XKR9: variants seen among roughly 807,000 people sequenced by gnomAD.
The protein encoded by XKR9 is XK-related protein 9.
XKR9 carries 32 observed loss-of-function variants against 32.0 expected under a neutral mutation model. The ratio of observed to expected loss-of-function variants is 1.00; its 90% confidence interval spans 0.76 to 1.34. The LOEUF (loss-of-function observed/expected upper bound fraction) is 1.34. Among genes scored for constraint, XKR9 ranks in the 40% most tolerant of loss-of-function variants. The pLI is 0.00. For missense variants in XKR9, 546 were observed against 429.7 expected, an observed-to-expected ratio of 1.27 and a Z score of -2.39; for synonymous variants, 168 against 143.4, an observed-to-expected ratio of 1.17 and a Z score of -1.22.
the XKR9 span, among the ~76,000 whole-genome samples, chr8:70,918,019 C>G: frequency 6.6e-6 from 1 of 152,164 alleles, no homozygotes; most frequent in African/African-American, 2.4e-5. Flanking sequence ...ATTATGTGAT[C>G]TTGCCTTAAA....
the XKR9 span, among the ~76,000 whole-genome samples, chr8:71,024,364 G>A: frequency 1.3e-5 from 2 of 152,152 alleles, no homozygotes; most frequent in Non-Finnish European, 2.9e-5. Context: ...GGGTGCTGGG[G>A]ACACTGCCAC....
At chr8:70,830,303 A>G in the XKR9 span, among the ~76,000 whole-genome samples, 1 of 152,098 alleles carries the variant, frequency 6.6e-6, no homozygotes, top group Non-Finnish European at 1.5e-5. Context: ...CTCACAGGCC[A>G]GGCGCCACAG....
chr8:71,009,529 G>A, the XKR9 span, among the ~76,000 whole-genome samples: 11 of 152,180 alleles, frequency 7.2e-5, no homozygotes, highest in African/African-American at 2.4e-4. Flanking sequence ...TGATGATGGG[G>A]CGATTGTTAC....
chr8:70,825,087 A>G, the XKR9 span, among the ~76,000 whole-genome samples: 81,884 of 151,816 alleles, frequency 0.54, 23,052 homozygotes, highest in Middle Eastern at 0.62. Context: ...TCTTTGTGTG[A>G]ACTCTCTGAA....
At chr8:70,803,010 G>A in the XKR9 span, among the ~76,000 whole-genome samples, 1 of 152,108 alleles carries the variant, frequency 6.6e-6, no homozygotes, top group Non-Finnish European at 1.5e-5. Context: ...TAGCGAAGTT[G>A]GGGAAATTTT....
At chr8:70,739,840 G>A (rs1011026738), downstream of XKR9, among the ~76,000 whole-genome samples, 31 of 152,328 alleles carry the variant, frequency 2.0e-4, no homozygotes, top group East Asian at 1.9e-4. Flanking sequence ...GAGATCCGCC[G>A]TTGGTCTGAT....
chr8:70,783,834 T>G lies in XKR9; in HGVS notation n.353-5505T>G, dbSNP rs556418575. On this transcript the variant is annotated intron_variant and non_coding_transcript_variant, in intron 2 of 3. Transcript: ENST00000520273. The stretch of plus-strand genomic sequence containing the variant: ...ATGTTTTCTTCTAGTAATTTTACAC[T>G]TTCTAGTCTTATATGTAAGTCTTTA... Among the ~76,000 whole-genome samples the G allele has an allele frequency of 1.0e-3, 157 of 152,320 alleles. 1 individual carries two copies. The highest frequency in any genetic ancestry group is 6.8e-3 in the Middle Eastern group (2 of 294).
the XKR9 span, among the ~76,000 whole-genome samples, chr8:70,904,876 A>T: frequency 6.6e-6 from 1 of 152,130 alleles, no homozygotes; most frequent in Non-Finnish European, 1.5e-5. Context: ...TCCTTCACTT[A>T]TGAAGCTTAG....
chr8:70,904,533 C>G, the XKR9 span, among the ~76,000 whole-genome samples: 6 of 152,096 alleles, frequency 3.9e-5, no homozygotes, highest in Admixed American at 1.3e-4. Flanking sequence ...TGAGATGGGT[C>G]TCCTGAATAC....
the XKR9 span, among the ~76,000 whole-genome samples, chr8:71,050,270 G>GATATAGATATAGATATAGAT: frequency 8.1e-6 from 1 of 123,720 alleles, no homozygotes; most frequent in African/African-American, 3.1e-5. Context: ...TAGATAGATA[G>GATATAGATATAGATATAGAT]ATAGATATAG....
chr8:70,982,447 C>G, the XKR9 span, among the ~76,000 whole-genome samples: 1 of 152,062 alleles, frequency 6.6e-6, no homozygotes, highest in Non-Finnish European at 1.5e-5. Context: ...CTGAGTCATG[C>G]AGGTCACCAG....
intron 2 of XKR9, among the ~76,000 whole-genome samples, chr8:70,753,303 C>T (rs1412809300): frequency 6.6e-6 from 1 of 151,718 alleles, no homozygotes; most frequent in Non-Finnish European, 1.5e-5. Flanking sequence ...AGTCCAGGAC[C>T]AGATGGATTC....
intron 2 of XKR9, among the ~76,000 whole-genome samples, chr8:70,772,934 G>A (rs1363437712): frequency 6.6e-6 from 1 of 152,134 alleles, no homozygotes; most frequent in Non-Finnish European, 1.5e-5. Flanking sequence ...GTCGAAAAGT[G>A]TTTTGAACAT....
the XKR9 span, among the ~76,000 whole-genome samples, chr8:71,048,108 A>G: frequency 6.6e-6 from 1 of 152,204 alleles, no homozygotes; most frequent in Admixed American, 6.5e-5. Flanking sequence ...TGACTGAAAA[A>G]AAATGGGAAG....
At chr8:70,885,757 C>A in the XKR9 span, among the ~76,000 whole-genome samples, 1 of 152,070 alleles carries the variant, frequency 6.6e-6, no homozygotes, top group Non-Finnish European at 1.5e-5. Context: ...CCACCACGCC[C>A]GGCTAATTTT....
the XKR9 span, among the ~76,000 whole-genome samples, chr8:70,865,684 G>T: frequency 1.5e-3 from 228 of 152,278 alleles, 1 homozygote; most frequent in Middle Eastern, 3.4e-3. Context: ...TGCCAGATCT[G>T]CAATGGCTGG....
chr8:70,687,231 G>C (rs1335053791), intron 3 of XKR9, among the ~76,000 whole-genome samples: 1 of 151,950 alleles, frequency 6.6e-6, no homozygotes, highest in Admixed American at 6.6e-5. Flanking sequence ...GCCTGGCCTG[G>C]CTTTTTTCAC....
At chr8:70,801,758 G>A in the XKR9 span, among the ~76,000 whole-genome samples, 1 of 152,018 alleles carries the variant, frequency 6.6e-6, no homozygotes, top group Non-Finnish European at 1.5e-5. Context: ...CTGTCAGTGG[G>A]GTGTGGAAGT....
intron 3 of XKR9, among the ~76,000 whole-genome samples, chr8:70,695,214 A>T (rs1192507542): frequency 6.7e-6 from 1 of 148,238 alleles, no homozygotes; most frequent in Non-Finnish European, 1.5e-5. Flanking sequence ...TTTAGGGTAC[A>T]TGTGTGCAAT....
Sources: allele counts gnomAD v4.1 joint callset (sites outside exome capture counted in the v4.1 genomes callset), GRCh38; gene constraint gnomAD v4.1.1; transcripts MANE v1.5; gene names NCBI Gene and HGNC (gene_info 2026-07-23, HGNC 2026-07-21).